The following NEK6 variants were observed in gnomAD, a reference collection of about 807,000 sequenced individuals.
The protein encoded by NEK6 is serine/threonine-protein kinase Nek6.
In NEK6, 27 loss-of-function variants were observed where a neutral mutation model predicts 43.5. The observed-to-expected ratio is 0.62, with a 90% CI of 0.46 to 0.86. NEK6 has a LOEUF of 0.86. Among genes scored for constraint, NEK6 ranks in the 40% least tolerant of loss-of-function variants. The probability of loss-of-function intolerance (pLI) is 0.00; values close to 1 mark genes in which losing one functional copy is unlikely to be tolerated. For missense variants in NEK6, 318 were observed against 414.4 expected (o/e 0.77, Z 2.02); for synonymous variants, 167 against 164.1 (o/e 1.02, Z -0.14).
chr9:124,272,112 C>T (rs568839913), intron 1 of NEK6, among the ~76,000 whole-genome samples: 1 of 152,326 alleles, frequency 6.6e-6, no homozygotes, highest in South Asian at 2.1e-4. Flanking sequence ...CCACGCCAGG[C>T]CCAGAAGAGG....
intron 1 of NEK6, among the ~76,000 whole-genome samples, chr9:124,272,555 AC>A (rs1215768968): frequency 6.6e-6 from 1 of 152,130 alleles, no homozygotes; most frequent in Non-Finnish European, 1.5e-5. Flanking sequence ...AGGTCCCAGC[AC>A]TCCCAGCGTC....
rs1430462791 is a variant in NEK6 at position 124,301,991 on chromosome 9, C to T, written c.27C>T (p.Pro9=). ...TGGCAGGACAGCCCGGCCACATGCCCCATGGAGGGAGTTCCAACAACCTCT... is the reference window on the plus strand; with the variant it reads ...TGGCAGGACAGCCCGGCCACATGCCTCATGGAGGGAGTTCCAACAACCTCT... MAGQPGHM[P]HGGSSNNLCH... is the part of the protein sequence containing the mutation. Residue 9 remains proline (P), a synonymous_variant, in exon 2 of 10, where the codon CCC becomes CCT. Transcript: ENST00000320246. 6.2e-7 allele frequency: 1 copy of T among 1,604,356 alleles called. No homozygotes were observed. Among genetic ancestry groups the T allele is most frequent in the Non-Finnish European group, 8.5e-7 (1 of 1,175,534 alleles).
At chr9:124,329,530 C>T (rs1188778869) in intron 7 of NEK6, among the ~76,000 whole-genome samples, 3 of 152,240 alleles carry the variant, frequency 2.0e-5, no homozygotes, top group African/African-American at 7.2e-5. Context: ...GGGCTCTTCC[C>T]AAGCCCTCCG....
chr9:124,326,742 GC>G lies in NEK6; in HGVS notation c.514+305del, dbSNP rs1834360226. 6.6e-6 allele frequency among the ~76,000 whole-genome samples: 1 copy of G among 152,196 alleles called. No homozygotes were observed. The highest frequency in any genetic ancestry group is 1.5e-5 in the Non-Finnish European group (1 of 68,022). On this transcript the variant is annotated intron_variant, in intron 6 of 9. Transcript: ENST00000320246. The surrounding 1 kb of genome is among the most constrained non-coding windows in gnomAD (Gnocchi z 4.5). ...TCGCACAGAGGGGACTTTCATGGGG[GC>G]TTTGCCGTCTCAGCGGGCTGGGCTG...
intron 2 of NEK6, among the ~76,000 whole-genome samples, chr9:124,308,514 T>C (rs1410910778): frequency 6.6e-6 from 1 of 151,996 alleles, no homozygotes; most frequent in Non-Finnish European, 1.5e-5. Context: ...TTTAGCCCAG[T>C]GTGGTGGCGG....
intron 7 of NEK6, among the ~76,000 whole-genome samples, chr9:124,331,246 A>G (rs532392736): frequency 7.6e-6 from 1 of 131,866 alleles, no homozygotes; most frequent in Non-Finnish European, 1.6e-5. Context: ...AGCCTGGGCG[A>G]GCGACTCTGT....
At chr9:124,339,287 G>A (rs552553797) in intron 7 of NEK6, among the ~76,000 whole-genome samples, 7 of 151,538 alleles carry the variant, frequency 4.6e-5, no homozygotes, top group Admixed American at 2.0e-4. Flanking sequence ...GAGCCATGGC[G>A]CCCAGCCTCC....
At chr9:124,338,271 G>A (rs1298077121) in intron 7 of NEK6, among the ~76,000 whole-genome samples, 3 of 152,210 alleles carry the variant, frequency 2.0e-5, no homozygotes, top group East Asian at 1.9e-4. Context: ...GTGAGCCACC[G>A]TGCCATTCAT....
At chr9:124,258,782 A>G (rs2118830658) in intron 1 of NEK6, among the ~76,000 whole-genome samples, 1 of 152,336 alleles carries the variant, frequency 6.6e-6, no homozygotes, top group African/African-American at 2.4e-5. Flanking sequence ...TGGGCCTGAC[A>G]GAGGCAAAGG....
At chr9:124,330,132 C>T (rs1828896315) in intron 7 of NEK6, among the ~76,000 whole-genome samples, 1 of 152,186 alleles carries the variant, frequency 6.6e-6, no homozygotes, top group Admixed American at 6.5e-5. Flanking sequence ...GGGCATTAGT[C>T]AGTGCCATGG....
chr9:124,307,933 C>A (rs766799162), intron 2 of NEK6, among the ~76,000 whole-genome samples: 21 of 152,318 alleles, frequency 1.4e-4, no homozygotes, highest in Admixed American at 2.0e-4. Flanking sequence ...ACTGCTCAGG[C>A]CGTCCCAGTC....
At chr9:124,289,104 C>A (rs1449790026) in intron 1 of NEK6, among the ~76,000 whole-genome samples, 1 of 151,476 alleles carries the variant, frequency 6.6e-6, no homozygotes, top group African/African-American at 2.4e-5. Context: ...TCTCAGCCTT[C>A]CAAAGTGCTA....
intron 7 of NEK6, among the ~76,000 whole-genome samples, chr9:124,337,153 T>C (rs1325405926): frequency 1.3e-5 from 2 of 152,234 alleles, no homozygotes; most frequent in Non-Finnish European, 2.9e-5. Flanking sequence ...CCTCTGGTGA[T>C]GGAGAGCTCA....
At chr9:124,317,136 TG>T (rs1281290221) in intron 4 of NEK6, among the ~76,000 whole-genome samples, 13 of 152,240 alleles carry the variant, frequency 8.5e-5, no homozygotes, top group Non-Finnish European at 1.8e-4. Flanking sequence ...ACACTTTTTT[TG>T]GTAACTGAAA....
chr9:124,342,192 TGAG>T (rs149434194), intron 8 of NEK6, among the ~76,000 whole-genome samples: 12,490 of 152,266 alleles, frequency 0.082, 664 homozygotes, highest in Non-Finnish European at 0.11. Context: ...CCCTAAGGTC[TGAG>T]GAGGGGATGC....
intron 1 of NEK6, among the ~76,000 whole-genome samples, chr9:124,262,563 C>T (rs1396148284): frequency 1.3e-5 from 2 of 152,250 alleles, no homozygotes; most frequent in African/African-American, 4.8e-5. Context: ...GGTCTTCTAG[C>T]CAGGCCTTCT....
chr9:124,321,375 C>A, intron 4 of NEK6, 84 bp from the exon 5 acceptor site: 1 of 822,698 alleles, frequency 1.2e-6, no homozygotes, highest in Non-Finnish European at 2.0e-6. Context: ...TGACCGGGTG[C>A]CAGCAGGGTG....
intron 7 of NEK6, among the ~76,000 whole-genome samples, chr9:124,334,348 G>T (rs971258151): frequency 1.3e-5 from 2 of 152,196 alleles, no homozygotes; most frequent in African/African-American, 4.8e-5. Context: ...TGGATGGATG[G>T]CAATTTGCAA....
At chr9:124,293,958 G>A (rs1424859783) in intron 1 of NEK6, among the ~76,000 whole-genome samples, 3 of 152,248 alleles carry the variant, frequency 2.0e-5, no homozygotes, top group African/African-American at 7.2e-5. Flanking sequence ...GCTGCCCACT[G>A]TGTGCTCACA....
Sources: gnomAD v4.1 joint callset for allele counts (sites outside exome capture counted in the v4.1 genomes callset) on GRCh38, gnomAD v4.1.1 for gene constraint, Gnocchi (gnomAD v3.1) non-coding constraint, MANE v1.5 for transcripts, NCBI Gene and HGNC (gene_info 2026-07-23, HGNC 2026-07-21) for gene names.